ENTREP2: variants seen among roughly 807,000 people sequenced by gnomAD.
The protein encoded by ENTREP2 is protein ENTREP2.
At chr15:29,362,791 G>A in the ENTREP2 span, among the ~76,000 whole-genome samples, 6 of 152,144 alleles carry the variant, frequency 3.9e-5, no homozygotes, top group Non-Finnish European at 8.8e-5. Context: ...TCCAAGTGAA[G>A]TGACTTAAGC....
At chr15:29,343,026 A>C in the ENTREP2 span, among the ~76,000 whole-genome samples, 1 of 37,398 alleles carries the variant, frequency 2.7e-5, no homozygotes, top group Non-Finnish European at 6.3e-5. Flanking sequence ...GTAAAAAGGA[A>C]TGGGGGGGGT....
chr15:29,480,678 C>G, the ENTREP2 span, among the ~76,000 whole-genome samples: 1 of 152,166 alleles, frequency 6.6e-6, no homozygotes, highest in African/African-American at 2.4e-5. Context: ...GGGGCAGAGC[C>G]TGCCAACCTG....
the ENTREP2 span, among the ~76,000 whole-genome samples, chr15:29,147,156 T>C: frequency 4.6e-5 from 7 of 151,992 alleles, no homozygotes; most frequent in East Asian, 9.6e-4. Context: ...GATAAGGGGG[T>C]TGTGCCTGAA....
the ENTREP2 span, among the ~76,000 whole-genome samples, chr15:29,171,528 C>T: frequency 6.6e-6 from 1 of 151,984 alleles, no homozygotes; most frequent in Non-Finnish European, 1.5e-5. Context: ...CCTCCTGCCC[C>T]CAGCAAGAAA....
chr15:29,501,246 C>T, the ENTREP2 span, among the ~76,000 whole-genome samples: 1 of 149,254 alleles, frequency 6.7e-6, no homozygotes. Context: ...AGATCAATAA[C>T]CGTTGTGACT....
At chr15:29,600,489 C>T in the ENTREP2 span, among the ~76,000 whole-genome samples, 1 of 140,524 alleles carries the variant, frequency 7.1e-6, no homozygotes, top group Non-Finnish European at 1.6e-5. Flanking sequence ...TCATCGTCAT[C>T]TCATCATCAT....
At chr15:29,284,452 G>A in the ENTREP2 span, among the ~76,000 whole-genome samples, 2 of 151,410 alleles carry the variant, frequency 1.3e-5, no homozygotes, top group South Asian at 4.2e-4. Context: ...AGCTACTCAG[G>A]AGGATGAGGC....
the ENTREP2 span, among the ~76,000 whole-genome samples, chr15:29,559,481 C>T: frequency 3.3e-5 from 5 of 152,280 alleles, no homozygotes; most frequent in African/African-American, 9.6e-5. Flanking sequence ...CTTATAGCAA[C>T]ACACAGCTAT....
At chr15:29,533,537 T>C in the ENTREP2 span, among the ~76,000 whole-genome samples, 1 of 152,130 alleles carries the variant, frequency 6.6e-6, no homozygotes, top group South Asian at 2.1e-4. Flanking sequence ...TGGTGAGAAA[T>C]AGCATTTCTT....
chr15:29,141,772 C>T, the ENTREP2 span, among the ~76,000 whole-genome samples: 1 of 152,222 alleles, frequency 6.6e-6, no homozygotes, highest in South Asian at 2.1e-4. Flanking sequence ...CCGAAGTTTG[C>T]TGAATCAACT....
the ENTREP2 span, among the ~76,000 whole-genome samples, chr15:29,655,802 G>C: frequency 6.6e-6 from 1 of 152,080 alleles, no homozygotes; most frequent in Non-Finnish European, 1.5e-5. Context: ...AAGGGGGGTG[G>C]ATCACTTGAG....
At chr15:29,286,683 C>T in the ENTREP2 span, among the ~76,000 whole-genome samples, 1 of 152,204 alleles carries the variant, frequency 6.6e-6, no homozygotes. Flanking sequence ...CAGAGCTCAG[C>T]CCATGCCACT....
the ENTREP2 span, among the ~76,000 whole-genome samples, chr15:29,427,002 T>G: frequency 6.6e-6 from 1 of 152,160 alleles, no homozygotes; most frequent in African/African-American, 2.4e-5. Context: ...CAAAGAAAAC[T>G]GTAGCCATGT....
At chr15:29,269,845 C>A in the ENTREP2 span, 3 of 832,454 alleles carry the variant, frequency 3.6e-6, no homozygotes, top group Non-Finnish European at 5.1e-6. Context: ...ATGAAGCCTG[C>A]GCCTTGCGTC....
At chr15:29,516,760 C>G in the ENTREP2 span, among the ~76,000 whole-genome samples, 1 of 151,686 alleles carries the variant, frequency 6.6e-6, no homozygotes, top group South Asian at 2.1e-4. Flanking sequence ...CTTTTCTGGG[C>G]GTATAACATT....
At chr15:29,483,028 G>A in the ENTREP2 span, among the ~76,000 whole-genome samples, 1 of 152,202 alleles carries the variant, frequency 6.6e-6, no homozygotes, top group Admixed American at 6.5e-5. Context: ...TTGGCTTTTA[G>A]CCATTCTAAC....
the ENTREP2 span, among the ~76,000 whole-genome samples, chr15:29,599,953 T>A: frequency 2.0e-5 from 3 of 151,120 alleles, no homozygotes; most frequent in African/African-American, 7.3e-5. Flanking sequence ...ATGTTTTTTT[T>A]ATTAAAACCA....
At chr15:29,294,084 C>A in the ENTREP2 span, among the ~76,000 whole-genome samples, 48 of 152,284 alleles carry the variant, frequency 3.2e-4, no homozygotes, top group Non-Finnish European at 1.5e-5. Flanking sequence ...AGGTCTGGTG[C>A]TCAGAAGCAA....
At chr15:29,254,161 CAAAAAAA>C in the ENTREP2 span, among the ~76,000 whole-genome samples, 5 of 61,324 alleles carry the variant, frequency 8.2e-5, no homozygotes, top group Admixed American at 2.8e-4. Context: ...TGTTAAAGAG[CAAAAAAA>C]AAAAAAAAAA....
Sources: gnomAD v4.1 joint callset for allele counts (sites outside exome capture counted in the v4.1 genomes callset) on GRCh38, gnomAD v4.1.1 for gene constraint, MANE v1.5 for transcripts, NCBI Gene and HGNC (gene_info 2026-07-23, HGNC 2026-07-21) for gene names.